The following LMBR1 variants were observed in gnomAD, a reference collection of about 807,000 sequenced individuals.
LMBR1 encodes limb development membrane protein 1.
LMBR1 carries 52 observed loss-of-function variants against 73.9 expected under a neutral mutation model. That is an observed-to-expected ratio of 0.70 (90% CI 0.56 to 0.89). LMBR1 has a LOEUF of 0.89. Ranked by LOEUF, LMBR1 falls within the 40% of genes least tolerant of loss-of-function variation. The probability of loss-of-function intolerance (pLI) is 0.00; values close to 1 mark genes in which losing one functional copy is unlikely to be tolerated. For missense variants in LMBR1, 539 were observed against 579.8 expected (o/e 0.93, Z 0.72); for synonymous variants, 215 against 209.4 (o/e 1.03, Z -0.23).
intron 4 of LMBR1, among the ~76,000 whole-genome samples, chr7:156,801,289 G>A (rs1482952414): frequency 6.6e-6 from 1 of 152,130 alleles, no homozygotes; most frequent in Admixed American, 6.5e-5. Flanking sequence ...ACCTCCACCA[G>A]CAAAAAGATT....
intron 1 of LMBR1, among the ~76,000 whole-genome samples, chr7:156,875,592 A>G (rs1219144441): frequency 6.6e-6 from 1 of 152,230 alleles, no homozygotes; most frequent in East Asian, 1.9e-4. Context: ...ACCTACAAAG[A>G]AAAACCAGAG....
intron 15 of LMBR1, among the ~76,000 whole-genome samples, chr7:156,695,615 G>A (rs151043989): frequency 6.1e-4 from 93 of 152,178 alleles, no homozygotes; most frequent in African/African-American, 2.1e-3. Context: ...CAGCACCAAG[G>A]GGGATGGTGT....
chr7:156,803,089 G>A (rs1463530049), intron 4 of LMBR1, among the ~76,000 whole-genome samples: 3 of 152,066 alleles, frequency 2.0e-5, no homozygotes, highest in Admixed American at 6.5e-5. Flanking sequence ...ACATAGGCAT[G>A]GGCAAGGACT....
At chr7:156,873,484 G>A (rs1346597234) in intron 1 of LMBR1, among the ~76,000 whole-genome samples, 1 of 152,184 alleles carries the variant, frequency 6.6e-6, no homozygotes, top group African/African-American at 2.4e-5. Context: ...TGCCAATGCT[G>A]GCTCGGGCAG....
At position 156,725,429 on chromosome 7, in the gene LMBR1, C is replaced by T; in HGVS notation, c.1158+6G>A. ...GAGGCCACAGTCACCTAAGATTCTA[C>T]CTTACCTTTGTCATAGTTGTGTCAT... is the stretch of plus-strand genomic sequence containing the variant. On this transcript the variant is annotated splice_donor_region_variant and intron_variant, in intron 14 of 16. Coordinates refer to ENST00000353442, the MANE Select transcript of LMBR1 (RefSeq NM_022458.4). 1 of 1,579,432 alleles carries T rather than the reference C, an allele frequency of 6.3e-7. No individual in the cohort carries two copies. Among genetic ancestry groups the T allele is most frequent in the East Asian group, 2.2e-5 (1 of 44,598 alleles).
chr7:156,684,310 G>A, intron 16 of LMBR1, 147 bp from the exon 17 acceptor site: 4 of 665,422 alleles, frequency 6.0e-6, no homozygotes, highest in Non-Finnish European at 1.0e-5. Context: ...AGGAATGAAT[G>A]ATTTCTTCTC....
At chr7:156,854,607 A>T (rs995913859) in intron 1 of LMBR1, among the ~76,000 whole-genome samples, 8 of 152,312 alleles carry the variant, frequency 5.3e-5, no homozygotes, top group Admixed American at 5.2e-4. Context: ...TCAGAGCCTA[A>T]TCAACCTGGA....
intron 9 of LMBR1, among the ~76,000 whole-genome samples, chr7:156,753,113 CA>C (rs1279827408): frequency 6.6e-6 from 1 of 151,892 alleles, no homozygotes; most frequent in Non-Finnish European, 1.5e-5. Context: ...TAAGATTATG[CA>C]AAAGAACTTG....
At chr7:156,672,698 C>G (rs137982244) in intron 4 of LMBR1, among the ~76,000 whole-genome samples, 42 of 152,316 alleles carry the variant, frequency 2.8e-4, no homozygotes, top group African/African-American at 9.6e-4. Flanking sequence ...ACAGGTGACA[C>G]TGTAACATAA....
chr7:156,734,972 T>C (rs1817575430), intron 9 of LMBR1, among the ~76,000 whole-genome samples: 1 of 152,240 alleles, frequency 6.6e-6, no homozygotes, highest in Admixed American at 6.5e-5. Context: ...CAATTATATG[T>C]CCAAGTTGAC....
chr7:156,751,751 G>A (rs1820934270), intron 9 of LMBR1, among the ~76,000 whole-genome samples: 1 of 152,214 alleles, frequency 6.6e-6, no homozygotes, highest in South Asian at 2.1e-4. Context: ...TTTGGCCTGA[G>A]TAGCTGGAAG....
At chr7:156,728,042 AT>A in intron 11 of LMBR1, 35 bp from the exon 12 acceptor site, 2 of 1,508,546 alleles carry the variant, frequency 1.3e-6, no homozygotes, top group African/African-American at 1.4e-5. Flanking sequence ...AGCTCTCAAG[AT>A]TTTTCACCAA....
At chr7:156,885,569 C>G (rs547412436) in intron 1 of LMBR1, among the ~76,000 whole-genome samples, 5 of 151,486 alleles carry the variant, frequency 3.3e-5, no homozygotes, top group Non-Finnish European at 7.4e-5. Flanking sequence ...CTGGGTAACA[C>G]GGAAATAACC....
intron 4 of LMBR1, among the ~76,000 whole-genome samples, chr7:156,818,058 C>A (rs934185976): frequency 3.3e-5 from 5 of 152,018 alleles, no homozygotes; most frequent in African/African-American, 1.2e-4. Context: ...AACTACTGAG[C>A]CCAAATGACT....
At chr7:156,728,507 G>T in intron 11 of LMBR1, 137 bp downstream of exon 11, 1 of 563,602 alleles carries the variant, frequency 1.8e-6, no homozygotes, top group Non-Finnish European at 3.1e-6. Flanking sequence ...CATAAATAAA[G>T]GCATAGATGG....
downstream of LMBR1, among the ~76,000 whole-genome samples, chr7:156,677,538 C>G (rs760427548): frequency 1.4e-4 from 22 of 152,132 alleles, no homozygotes; most frequent in Non-Finnish European, 2.5e-4. Context: ...GCTCATCACT[C>G]CAGCCACAGT....
intron 1 of LMBR1, among the ~76,000 whole-genome samples, chr7:156,852,611 T>C (rs778391277): frequency 4.6e-5 from 7 of 152,236 alleles, no homozygotes; most frequent in African/African-American, 7.2e-5. Flanking sequence ...CTTTACATTA[T>C]TGCCTTTTGC....
chr7:156,885,750 G>A (rs1801782151), intron 1 of LMBR1, among the ~76,000 whole-genome samples: 1 of 152,026 alleles, frequency 6.6e-6, no homozygotes, highest in Non-Finnish European at 1.5e-5. Context: ...ATGGTGGCAG[G>A]CACCTATAAT....
At chr7:156,856,911 C>T (rs1311645138) in intron 1 of LMBR1, among the ~76,000 whole-genome samples, 1 of 151,246 alleles carries the variant, frequency 6.6e-6, no homozygotes, top group African/African-American at 2.4e-5. Context: ...CATAATGTAC[C>T]TGCACTACTC....
Sources: gnomAD v4.1 joint callset for allele counts (sites outside exome capture counted in the v4.1 genomes callset) on GRCh38, gnomAD v4.1.1 for gene constraint, MANE v1.5 for transcripts, NCBI Gene and HGNC (gene_info 2026-07-23, HGNC 2026-07-21) for gene names.